RWDD1: variants seen among roughly 807,000 people sequenced by gnomAD.
RWDD1 encodes RWD domain-containing protein 1.
In RWDD1, 17 loss-of-function variants were observed where a neutral mutation model predicts 31.6. The observed-to-expected ratio is 0.54, with a 90% CI of 0.37 to 0.81. RWDD1 has a LOEUF of 0.81. RWDD1 is among the 30% of genes least tolerant of loss of function. RWDD1 has a pLI of 0.00. For missense variants in RWDD1, 204 were observed against 274.5 expected, an observed-to-expected ratio of 0.74 and a Z score of 1.82; for synonymous variants, 78 against 94.2, an observed-to-expected ratio of 0.83 and a Z score of 0.99.
intron 6 of RWDD1, 143 bp downstream of exon 6, chr6:116,591,093 T>C (rs1320761294): frequency 9.8e-7 from 1 of 1,018,750 alleles, no homozygotes; most frequent in East Asian, 3.4e-5. Flanking sequence ...AGACCCTGAC[T>C]CTATTAAAAA....
At chr6:116,575,857 G>T (rs1174231670) in intron 1 of RWDD1, among the ~76,000 whole-genome samples, 3 of 152,312 alleles carry the variant, frequency 2.0e-5, no homozygotes, top group Admixed American at 6.5e-5. Flanking sequence ...GAAGGAAGAA[G>T]AACAGAGAAG....
At chr6:116,576,480 A>C (rs1774843773) in intron 1 of RWDD1, among the ~76,000 whole-genome samples, 2 of 152,184 alleles carry the variant, frequency 1.3e-5, no homozygotes, top group African/African-American at 4.8e-5. Flanking sequence ...TGTATTGAAC[A>C]TGCGTCTCAT....
At chr6:116,578,511 A>G (rs1010277826) in intron 1 of RWDD1, among the ~76,000 whole-genome samples, 2 of 152,020 alleles carry the variant, frequency 1.3e-5, no homozygotes, top group Admixed American at 1.3e-4. Context: ...AGTCATAGAA[A>G]GTGGTAATAA....
rs1775011716 is a variant in RWDD1 at position 116,584,861 on chromosome 6, A to T, written c.270+4A>T. On this transcript the variant is annotated splice_donor_region_variant and intron_variant, in intron 3 of 6. Transcript: ENST00000466444. ...TTTAAAATTACTAGCATTACAGGTA[A>T]GGAAATAATAATTTTATGTTTTGTA... 1.3e-6 allele frequency: 2 copies of T among 1,561,498 alleles called. No individual in the cohort carries two copies. Among genetic ancestry groups the T allele is most frequent in the South Asian group, 2.2e-5 (2 of 89,332 alleles).
At chr6:116,571,760 T>G (rs1583327102) in intron 1 of RWDD1, 105 bp downstream of exon 1, 2 of 958,316 alleles carry the variant, frequency 2.1e-6, no homozygotes, top group Non-Finnish European at 3.0e-6. Context: ...AAGGGGACCT[T>G]GAGGCCGCGC....
chr6:116,589,740 A>G (rs1309665754), intron 4 of RWDD1, among the ~76,000 whole-genome samples: 1 of 152,124 alleles, frequency 6.6e-6, no homozygotes, highest in Non-Finnish European at 1.5e-5. Context: ...GGGAGGTGAA[A>G]GGCACTTCTT....
At chr6:116,588,350 T>A (rs1775078213) in intron 3 of RWDD1, among the ~76,000 whole-genome samples, 1 of 152,242 alleles carries the variant, frequency 6.6e-6, no homozygotes, top group African/African-American at 2.4e-5. Context: ...CCTAATAGCC[T>A]TTTGAGTTAT....
chr6:116,592,949 ATT>A (rs2243350), intron 6 of RWDD1, 29 bp from the exon 7 acceptor site: 5,879 of 1,393,576 alleles, frequency 4.2e-3, no homozygotes, highest in South Asian at 8.5e-3. Context: ...ACTAAAGGAG[ATT>A]TTTTTTTTTT....
chr6:116,595,221 C>G lies in RWDD1; in HGVS notation c.*2120C>G, dbSNP rs941132673. ...GTGTCAAGAATGATAACCTCCCATC[C>G]ACTTCATGTGATTTTTAAGAATAAA... is the stretch of plus-strand genomic sequence containing the variant. On this transcript the variant is annotated 3_prime_UTR_variant, in exon 7 of 7. Coordinates refer to ENST00000466444, the MANE Select transcript of RWDD1 (RefSeq NM_015952.4). 6.6e-6 allele frequency: 1 copy of G among 152,200 alleles called. No individual in the cohort carries two copies. Among genetic ancestry groups the G allele is most frequent in the African/African-American group, 2.4e-5 (1 of 41,452 alleles). The allele number at this position is 152,200 out of a possible 1,614,324, so 9.4% of individuals were successfully genotyped here.
At chr6:116,589,058 TAATC>T (rs1470745700) in intron 4 of RWDD1, 73 bp downstream of exon 4, 2 of 1,130,910 alleles carry the variant, frequency 1.8e-6, no homozygotes, top group Non-Finnish European at 2.2e-6. Context: ...GGTTTTTTTT[TAATC>T]AATAGCAGTA....
Position 116,596,532 on chromosome 6 carries a change from C to G in RWDD1, c.*3431C>G, listed in dbSNP as rs1775241279. ...TTTTAAAATTTTGTCATAAAAATAGCCAATGATGTTTTTAATTTTACATCT... is the reference window on the plus strand; with the variant it reads ...TTTTAAAATTTTGTCATAAAAATAGGCAATGATGTTTTTAATTTTACATCT... On this transcript the variant is annotated 3_prime_UTR_variant, in exon 7 of 7. Coordinates refer to ENST00000466444, the MANE Select transcript of RWDD1 (RefSeq NM_015952.4). 1 of 152,160 alleles carries G rather than the reference C, an allele frequency of 6.6e-6. No individual in the cohort carries two copies. The allele number at this position is 152,160 out of a possible 1,614,324, so 9.4% of individuals were successfully genotyped here.
At chr6:116,583,001 A>G (rs577734112) in intron 2 of RWDD1, among the ~76,000 whole-genome samples, 2 of 149,894 alleles carry the variant, frequency 1.3e-5, no homozygotes, top group Non-Finnish European at 3.0e-5. Flanking sequence ...TTTAGAGACA[A>G]GGATCTTACT....
intron 1 of RWDD1, among the ~76,000 whole-genome samples, chr6:116,574,346 G>A (rs181513100): frequency 2.4e-4 from 37 of 152,310 alleles, no homozygotes; most frequent in Non-Finnish European, 4.6e-4. Context: ...CTAAGCAGCA[G>A]CCATTCACAT....
At chr6:116,589,257 G>T (rs1446077167) in intron 4 of RWDD1, among the ~76,000 whole-genome samples, 1 of 152,058 alleles carries the variant, frequency 6.6e-6, no homozygotes, top group Non-Finnish European at 1.5e-5. Context: ...ATAGAGCCAG[G>T]GGTGTCCAAT....
Position 116,571,603 on chromosome 6 carries a change from G to A in RWDD1, c.21G>A (p.Glu7=), listed in dbSNP as rs947170229. Residue 7 remains glutamate (E), a synonymous_variant, in exon 1 of 7, where the codon GAG becomes GAA. Transcript: ENST00000466444. MTDYGE[E]QRNELEALES... is the part of the protein sequence containing the mutation. ...CCACGATGACAGATTACGGCGAGGA[G>A]CAGCGCAACGAGCTGGAGGCCCTGG... is the stretch of plus-strand genomic sequence containing the variant. 2.5e-6 allele frequency: 4 copies of A among 1,613,712 alleles called. No individual in the cohort carries two copies. The highest frequency in any genetic ancestry group is 3.3e-5 in the Admixed American group (2 of 59,952).
intron 1 of RWDD1, chr6:116,573,920 TAGA>T: frequency 1.4e-6 from 1 of 694,460 alleles, no homozygotes; most frequent in South Asian, 6.5e-5. Flanking sequence ...GTCCAGCCTA[TAGA>T]CCTAGGCACA....
intron 5 of RWDD1, 107 bp downstream of exon 5, chr6:116,590,511 G>A (rs1775123157): frequency 7.4e-7 from 1 of 1,353,472 alleles, no homozygotes; most frequent in Non-Finnish European, 9.9e-7. Context: ...ATATACATAG[G>A]CATCTAGGAC....
chr6:116,572,679 C>T (rs1407762771), intron 1 of RWDD1, among the ~76,000 whole-genome samples: 1 of 152,080 alleles, frequency 6.6e-6, no homozygotes, highest in African/African-American at 2.4e-5. Context: ...ATTTACATTC[C>T]CCATCCTTTC....
rs910076685 is a variant in RWDD1, at chr6:116,595,411, T to C, written c.*2310T>C. 8 of 152,232 alleles carry C rather than the reference T, an allele frequency of 5.3e-5. No homozygotes were observed. The highest frequency in any genetic ancestry group is 1.7e-4 in the African/African-American group (7 of 41,470). 9.4% of individuals were successfully genotyped at this position (152,232 alleles called of 1,614,324 possible). A position where few individuals can be genotyped will look rare whatever the true frequency, so the allele number is the denominator to read the frequency against. On this transcript the variant is annotated 3_prime_UTR_variant, in exon 7 of 7. Transcript: ENST00000466444. ...TTTCATCTAGAGTAAATATTTACTG[T>C]TGGCTTTGTATTCTGGGAATTAGCC...
Sources: gnomAD v4.1 joint callset for allele counts (sites outside exome capture counted in the v4.1 genomes callset) on GRCh38, gnomAD v4.1.1 for gene constraint, MANE v1.5 for transcripts, NCBI Gene and HGNC (gene_info 2026-07-23, HGNC 2026-07-21) for gene names.